Variants in GSPT1 observed in about 807,000 individuals in gnomAD.
GSPT1 encodes eukaryotic peptide chain release factor GTP-binding subunit ERF3A.
GSPT1 carries 20 observed loss-of-function variants against 72.5 expected under a neutral mutation model. The observed-to-expected ratio is 0.28, with a 90% CI of 0.19 to 0.40. The LOEUF (loss-of-function observed/expected upper bound fraction) is 0.40, where lower values mean the gene tolerates loss of function less well. Ranked by LOEUF, GSPT1 falls within the 10% of genes least tolerant of loss-of-function variation. The pLI, the probability that GSPT1 is intolerant of heterozygous loss-of-function variation, is 1.00. For synonymous variants in GSPT1, 334 were observed against 293.5 expected (o/e 1.14, Z -1.41); for missense variants, 580 against 811.9 (o/e 0.71, Z 3.47).
chr16:11,896,242 A>G (rs2054336971), intron 4 of GSPT1, among the ~76,000 whole-genome samples: 1 of 152,242 alleles, frequency 6.6e-6, no homozygotes, highest in Non-Finnish European at 1.5e-5. Flanking sequence ...CACATAAAAA[A>G]GGGCACATTT....
At chr16:11,907,933 A>C (rs1388914678) in intron 1 of GSPT1, among the ~76,000 whole-genome samples, 1 of 152,236 alleles carries the variant, frequency 6.6e-6, no homozygotes, top group Non-Finnish European at 1.5e-5. Context: ...TATGAGCTAC[A>C]ACCTAACTAC....
intron 11 of GSPT1, among the ~76,000 whole-genome samples, chr16:11,878,973 G>A (rs1458393861): frequency 1.3e-5 from 2 of 151,786 alleles, no homozygotes; most frequent in African/African-American, 4.8e-5. Flanking sequence ...CTACTCAGGA[G>A]GCTTGGGCAG....
At chr16:11,887,021 G>GTTTT (rs34304551) in intron 7 of GSPT1, 90 bp from the exon 8 acceptor site, 575 of 545,018 alleles carry the variant, frequency 1.1e-3, no homozygotes, top group South Asian at 2.5e-3. Flanking sequence ...TATATCACGA[G>GTTTT]TTTTTTTTTT....
At chr16:11,885,296 C>A (rs1353477287) in intron 9 of GSPT1, 22 bp from the exon 10 acceptor site, 9 of 1,165,600 alleles carry the variant, frequency 7.7e-6, no homozygotes, top group Non-Finnish European at 1.0e-5. Flanking sequence ...ACAACAAAGC[C>A]ATTAAAGGAA....
intron 11 of GSPT1, among the ~76,000 whole-genome samples, chr16:11,879,746 A>C (rs189472089): frequency 0.018 from 2,730 of 152,028 alleles, 37 homozygotes; most frequent in Middle Eastern, 0.068. Flanking sequence ...CTCAAAAAAA[A>C]AAAAAAAAAC....
At chr16:11,888,970 AAT>A (rs1195107985) in intron 6 of GSPT1, among the ~76,000 whole-genome samples, 1 of 152,152 alleles carries the variant, frequency 6.6e-6, no homozygotes, top group Non-Finnish European at 1.5e-5. Flanking sequence ...CATGGCACAA[AAT>A]ACAACACAAA....
At chr16:11,899,117 G>A (rs573546064) in intron 1 of GSPT1, among the ~76,000 whole-genome samples, 18 of 152,190 alleles carry the variant, frequency 1.2e-4, no homozygotes, top group Middle Eastern at 3.4e-3. Flanking sequence ...GAATCTCCAC[G>A]ACAGAAAACG....
chr16:11,907,334 C>G (rs1358342204), intron 1 of GSPT1, among the ~76,000 whole-genome samples: 1 of 152,176 alleles, frequency 6.6e-6, no homozygotes, highest in Non-Finnish European at 1.5e-5. Flanking sequence ...CCTCACTCCT[C>G]TCATGGATAT....
chr16:11,900,528 A>G (rs1003238396), intron 1 of GSPT1, among the ~76,000 whole-genome samples: 6 of 152,056 alleles, frequency 3.9e-5, no homozygotes, highest in African/African-American at 1.4e-4. Context: ...AAGCCTTAGG[A>G]AACAGATCCT....
chr16:11,886,917 C>T lies in GSPT1; in HGVS notation c.972G>A (p.Arg324=). 1 of 1,613,894 alleles carries T rather than the reference C, an allele frequency of 6.2e-7. No homozygotes were observed. Among genetic ancestry groups the T allele is most frequent in the Non-Finnish European group, 8.5e-7 (1 of 1,179,856 alleles). The part of the protein sequence containing the change: ...ADLAVLVISA[R]KGEFETGFEK... ...CAAATCCAGTTTCAAACTCTCCTTT[C>T]CTGGCTGAGATTACCTAATTCCAAG... is the stretch of plus-strand genomic sequence containing the variant. The change falls in exon 8 of 15, where the codon AGG becomes AGA. Residue 324 remains arginine, a synonymous_variant. Coordinates refer to ENST00000434724, the MANE Select transcript of GSPT1 (RefSeq NM_002094.4).
At position 11,875,008 on chromosome 16, in the gene GSPT1, G is replaced by A. The variant is rs534492776; in HGVS notation, c.1861+753C>T. Among the ~76,000 whole-genome samples, 45 of 152,250 alleles carry A rather than the reference G, an allele frequency of 3.0e-4. No homozygotes were observed. In the South Asian group the frequency reaches 4.3e-3, roughly 15 times the overall value. On this transcript the variant is annotated intron_variant, in intron 14 of 14. Transcript: ENST00000434724. ...AGATCAAGACCATCCTGGCTAACGT[G>A]GTGAAACCCCGTCTCTACAAAAATA...
In GSPT1 at chr16:11,898,054, T is replaced by C. The variant is rs779072188; in HGVS notation, c.353-19A>G. On this transcript the variant is annotated intron_variant, in intron 1 of 14. Coordinates refer to ENST00000434724, the MANE Select transcript of GSPT1 (RefSeq NM_002094.4). Reference sequence around the variant, plus strand: ...ACAGGTGCTGTTTAACAGAAAGAAGTTCTATTAAAAATTGATACTTATCCA... The same window carrying C: ...ACAGGTGCTGTTTAACAGAAAGAAGCTCTATTAAAAATTGATACTTATCCA... The C allele has an allele frequency of 1.1e-5, 16 of 1,509,182 alleles. No individual in the cohort carries two copies. Among genetic ancestry groups the C allele is most frequent in the Admixed American group, 2.0e-5 (1 of 50,920 alleles). 93.5% of individuals were successfully genotyped at this position (1,509,182 alleles called of 1,614,324 possible). A position where few individuals can be genotyped will look rare whatever the true frequency, so the allele number is the denominator to read the frequency against.
chr16:11,901,100 T>C (rs1022153409), intron 1 of GSPT1, among the ~76,000 whole-genome samples: 1 of 152,182 alleles, frequency 6.6e-6, no homozygotes, highest in Admixed American at 6.5e-5. Flanking sequence ...AAGGTTGCAA[T>C]GAGACCTGAC....
In GSPT1 at chr16:11,889,240, G is replaced by C. The variant is rs141856525; in HGVS notation, c.777-1490C>G. 8.9e-3 allele frequency among the ~76,000 whole-genome samples: 1,358 copies of C among 151,842 alleles called. 18 individuals carry two copies. Among genetic ancestry groups the C allele is most frequent in the South Asian group, 0.024 (116 of 4,796 alleles). On this transcript the variant is annotated intron_variant, in intron 6 of 14. Coordinates refer to ENST00000434724, the MANE Select transcript of GSPT1 (RefSeq NM_002094.4). ...GGAGAATGGTGTGAACCCAGGAGGT[G>C]GAGCTTGCAGTGAGTGGAGATGGAG...
intron 14 of GSPT1, 41 bp downstream of exon 14, chr16:11,875,720 A>T (rs753014078): frequency 6.9e-7 from 1 of 1,453,586 alleles, no homozygotes; most frequent in Non-Finnish European, 9.5e-7. Context: ...AAAGCTAGGT[A>T]TCCTGGATAT....
At position 11,873,285 on chromosome 16, in the gene GSPT1, T is replaced by A. The variant is rs60360439; in HGVS notation, c.1862-114A>T. 1,278 of 573,488 alleles carry A rather than the reference T, an allele frequency of 2.2e-3. 17 individuals carry two copies. Among genetic ancestry groups the A allele is most frequent in the African/African-American group, 0.021 (1,136 of 53,772 alleles). The allele number at this position is 573,488 out of a possible 1,614,324, so 35.5% of individuals were successfully genotyped here. A position where few individuals can be genotyped will look rare whatever the true frequency, so the allele number is the denominator to read the frequency against. ...ATTTTTTACAATGTAAGTTACTAAT[T>A]AACTAGCTTTACTGCCAAACCCATG... is the stretch of plus-strand genomic sequence containing the variant. On this transcript the variant is annotated intron_variant, in intron 14 of 14. Transcript: ENST00000434724.
intron 14 of GSPT1, among the ~76,000 whole-genome samples, chr16:11,874,997 C>G (rs1366955883): frequency 6.6e-6 from 1 of 152,184 alleles, no homozygotes; most frequent in Non-Finnish European, 1.5e-5. Context: ...CAAGACCATC[C>G]TGGCTAACGT....
rs529546296 is a variant in GSPT1, at chr16:11,870,679, A to C, written c.*2440T>G. On this transcript the variant is annotated 3_prime_UTR_variant, in exon 15 of 15. Coordinates refer to ENST00000434724, the MANE Select transcript of GSPT1 (RefSeq NM_002094.4). Reference sequence around the variant, plus strand: ...GTGTAAGCAGGATTGAAAATGCATCAACTTTAAAAAGATGAGAACAATTTT... The same window carrying C: ...GTGTAAGCAGGATTGAAAATGCATCCACTTTAAAAAGATGAGAACAATTTT... 6.6e-6 allele frequency: 1 copy of C among 152,370 alleles called. No individual in the cohort carries two copies. The highest frequency in any genetic ancestry group is 1.9e-4 in the East Asian group (1 of 5,192). The allele number at this position is 152,370 out of a possible 1,614,324, so 9.4% of individuals were successfully genotyped here.
At chr16:11,902,883 G>T (rs961837568) in intron 1 of GSPT1, among the ~76,000 whole-genome samples, 4 of 151,786 alleles carry the variant, frequency 2.6e-5, no homozygotes, top group African/African-American at 9.7e-5. Context: ...CACCACACCT[G>T]GCCTTAAATT....
Sources: gnomAD v4.1 joint callset for allele counts (sites outside exome capture counted in the v4.1 genomes callset) on GRCh38, gnomAD v4.1.1 for gene constraint, MANE v1.5 for transcripts, NCBI Gene and HGNC (gene_info 2026-07-23, HGNC 2026-07-21) for gene names.